INVS: variants seen among roughly 807,000 people sequenced by gnomAD.
INVS encodes inversion of embryo turning homolog.
INVS carries 86 observed loss-of-function variants against 108.8 expected under a neutral mutation model. The observed-to-expected ratio is 0.79, with a 90% confidence interval of 0.66 to 0.95. The LOEUF is 0.95. INVS is among the 40% of genes least tolerant of loss of function. The pLI is 0.00. For synonymous variants in INVS, 455 were observed against 473.5 expected, an observed-to-expected ratio of 0.96 and a Z score of 0.51; for missense variants, 1,169 against 1,297.4, an observed-to-expected ratio of 0.90 and a Z score of 1.52.
Position 100,100,613 on chromosome 9 carries a change from A to AATATATGTATATATAATATATATT in INVS, c.-25+1220_-25+1221insTATATATGTATATATAATATATAT, listed in dbSNP as rs1826812333. On this transcript the variant is annotated intron_variant, in intron 1 of 16. Coordinates refer to ENST00000262457, the MANE Select transcript of INVS (RefSeq NM_014425.5). ...TAATATATGTACATATAATATATAT[A>AATATATGTATATATAATATATATT]ATATATGTATATATAATATATATAT... 9.7e-5 allele frequency among the ~76,000 whole-genome samples: 7 copies of AATATATGTATATATAATATATATT among 72,446 alleles called. 1 individual carries two copies. In the South Asian group the frequency reaches 1.6e-3, roughly 16 times the overall value. 47.5% of individuals were successfully genotyped at this position (72,446 alleles called of 152,430 possible). A position where few individuals can be genotyped will look rare whatever the true frequency, so the allele number is the denominator to read the frequency against.
rs191413956 is a variant in INVS, at chr9:100,188,285, C to T, written c.274-37777C>T. The stretch of plus-strand genomic sequence containing the variant: ...TTCCAGGGAATGCTTTCTAATTTTC[C>T]CCATTCATTAAGATATTGGTTGTGG... On this transcript the variant is annotated intron_variant, in intron 3 of 16. Transcript: ENST00000262457. Among the ~76,000 whole-genome samples the T allele has an allele frequency of 1.2e-3, 178 of 152,188 alleles. 1 individual carries two copies. In the Middle Eastern group the frequency reaches 0.02, roughly 17 times the overall value.
rs58458085 is a variant in INVS at position 100,273,527 on chromosome 9, CT to C, written c.1784+478del. Among the ~76,000 whole-genome samples the C allele has an allele frequency of 4.5e-3, 432 of 96,168 alleles. 1 individual carries two copies. The highest frequency in any genetic ancestry group is 0.018 in the African/African-American group (391 of 21,606). The allele number at this position is 96,168 out of a possible 152,430, so 63.1% of individuals were successfully genotyped here. On this transcript the variant is annotated intron_variant, in intron 12 of 16. Coordinates refer to ENST00000262457, the MANE Select transcript of INVS (RefSeq NM_014425.5). ...ACTTGGTTTTTTTTTCCACTCAGTTCTTTTTTTTTTTTTTTTTTTTTTTTTT... is the reference window on the plus strand; with the variant it reads ...ACTTGGTTTTTTTTTCCACTCAGTTCTTTTTTTTTTTTTTTTTTTTTTTTT...
intron 2 of INVS, 92 bp from the exon 3 acceptor site, chr9:100,126,291 C>A: frequency 1.0e-6 from 1 of 1,001,166 alleles, no homozygotes; most frequent in Non-Finnish European, 1.5e-6. Flanking sequence ...AAGCATTTAG[C>A]ACAATGTTTG....
chr9:100,209,774 A>AAAG (rs1281688278), intron 3 of INVS, among the ~76,000 whole-genome samples: 5 of 102,900 alleles, frequency 4.9e-5, no homozygotes, highest in African/African-American at 3.7e-4. Context: ...CGTCTCAAAA[A>AAAG]AAAAAAAAAA....
At chr9:100,285,968 G>A (rs138405211) in intron 13 of INVS, among the ~76,000 whole-genome samples, 18 of 152,316 alleles carry the variant, frequency 1.2e-4, no homozygotes, top group African/African-American at 4.3e-4. Context: ...GGCAAATAAT[G>A]TCTTCGTATT....
At chr9:100,271,485 G>C (rs1398717928) in intron 11 of INVS, among the ~76,000 whole-genome samples, 3 of 152,168 alleles carry the variant, frequency 2.0e-5, no homozygotes, top group African/African-American at 7.2e-5. Flanking sequence ...TCACATGAGA[G>C]CAGATCTATA....
At chr9:100,214,231 T>A (rs1239994440) in intron 3 of INVS, among the ~76,000 whole-genome samples, 2 of 152,176 alleles carry the variant, frequency 1.3e-5, no homozygotes, top group Non-Finnish European at 1.5e-5. Flanking sequence ...ACAGCTAGGA[T>A]GTAATCTAAG....
In INVS at chr9:100,126,508, G is replaced by A. The variant is rs1306739954; in HGVS notation, c.232G>A (p.Asp78Asn). Residue 78 changes from aspartate (D) to asparagine (N), a missense_variant, in exon 3 of 17, where the codon GAC becomes AAC. Physicochemically the swap from Asp to Asn is conservative, Grantham distance 23. This residue lies in a region of INVS where 365 missense variants were observed against 397.5 expected (regional missense o/e 0.92). Transcript: ENST00000262457. ...LKAGADVNKT[D>N]HSQRTALHLA... ...GGCAGGAGCAGATGTGAATAAAACT[G>A]ACCATAGCCAGAGAACAGCCCTCCA... The A allele has an allele frequency of 7.4e-6, 12 of 1,614,044 alleles. No individual in the cohort carries two copies. The highest frequency in any genetic ancestry group is 1.0e-5 in the Non-Finnish European group (12 of 1,180,024).
chr9:100,125,893 T>C (rs1485263093), intron 2 of INVS, among the ~76,000 whole-genome samples: 1 of 152,038 alleles, frequency 6.6e-6, no homozygotes, highest in Non-Finnish European at 1.5e-5. Flanking sequence ...ACCATGTTGG[T>C]CAGGCCGGTC....
chr9:100,238,329 T>C (rs1336667391), intron 5 of INVS, among the ~76,000 whole-genome samples: 1 of 152,362 alleles, frequency 6.6e-6, no homozygotes, highest in East Asian at 1.9e-4. Flanking sequence ...AGGAGTCTGT[T>C]ATTGGTCTGT....
chr9:100,259,618 A>G (rs1367511649), intron 10 of INVS, among the ~76,000 whole-genome samples: 1 of 147,318 alleles, frequency 6.8e-6, no homozygotes, highest in African/African-American at 2.5e-5. Flanking sequence ...GCTCACTGCA[A>G]CCTCCACCTC....
intron 3 of INVS, chr9:100,130,352 A>G (rs1275716445): frequency 1.3e-5 from 2 of 152,176 alleles, no homozygotes; most frequent in African/African-American, 4.8e-5. Flanking sequence ...AGGGGGACTA[A>G]TATGGCAACT....
chr9:100,176,389 A>G (rs2119055667), intron 3 of INVS, among the ~76,000 whole-genome samples: 1 of 152,348 alleles, frequency 6.6e-6, no homozygotes, highest in South Asian at 2.1e-4. Flanking sequence ...TTTAGAACCT[A>G]GCGTCAAGAA....
intron 3 of INVS, chr9:100,215,262 T>TA (rs1386666018): frequency 6.6e-6 from 1 of 152,132 alleles, no homozygotes; most frequent in African/African-American, 2.4e-5. Flanking sequence ...ACCCAAGGGA[T>TA]ATATGAAACA....
chr9:100,208,555 C>A (rs1830740978), intron 3 of INVS, among the ~76,000 whole-genome samples: 1 of 152,192 alleles, frequency 6.6e-6, no homozygotes, highest in African/African-American at 2.4e-5. Context: ...AGGCACACAT[C>A]TTCGCAGAGT....
intron 3 of INVS, among the ~76,000 whole-genome samples, chr9:100,176,333 T>A (rs1008101057): frequency 1.3e-5 from 2 of 152,306 alleles, no homozygotes; most frequent in East Asian, 3.9e-4. Context: ...AAGCTGTCTC[T>A]GGCTATAGAT....
chr9:100,151,277 A>G (rs1196513637), intron 3 of INVS, among the ~76,000 whole-genome samples: 1 of 152,114 alleles, frequency 6.6e-6, no homozygotes, highest in Non-Finnish European at 1.5e-5. Flanking sequence ...AGAGTTTGAG[A>G]CCAGCCTGGT....
chr9:100,190,594 A>G (rs946155279), intron 3 of INVS, among the ~76,000 whole-genome samples: 4 of 152,152 alleles, frequency 2.6e-5, no homozygotes, highest in African/African-American at 9.7e-5. Flanking sequence ...TCATCCGAAA[A>G]AAAACTTTTT....
intron 3 of INVS, among the ~76,000 whole-genome samples, chr9:100,198,264 A>ATTTTTT (rs66710233): frequency 1.4e-4 from 9 of 65,280 alleles, no homozygotes; most frequent in Admixed American, 2.4e-4. Flanking sequence ...GAGGGCTAGA[A>ATTTTTT]TTTTTTTTTT....
Sources: allele counts gnomAD v4.1 joint callset (sites outside exome capture counted in the v4.1 genomes callset), GRCh38; gene constraint gnomAD v4.1.1; regional missense constraint gnomAD v4.1.1; transcripts MANE v1.5; gene names NCBI Gene and HGNC (gene_info 2026-07-23, HGNC 2026-07-21).